The following SPRTN variants were observed in gnomAD, a reference collection of about 807,000 sequenced individuals.
SPRTN encodes SprT-like N-terminal domain.
A neutral mutation model predicts 31.9 loss-of-function variants in SPRTN; 11 were observed. That is an observed-to-expected ratio of 0.34 (90% CI 0.22 to 0.57). SPRTN has a LOEUF of 0.57. SPRTN is among the 20% of genes least tolerant of loss of function. The probability of loss-of-function intolerance (pLI) is 0.86; values close to 1 mark genes in which losing one functional copy is unlikely to be tolerated. For synonymous variants in SPRTN, 185 were observed against 212.1 expected (o/e 0.87, Z 1.11); for missense variants, 482 against 590.1 (o/e 0.82, Z 1.90).
chr1:231,350,543 G>C (rs551659050), intron 3 of SPRTN, among the ~76,000 whole-genome samples: 1 of 152,096 alleles, frequency 6.6e-6, no homozygotes, highest in African/African-American at 2.4e-5. Context: ...TCCTACTTAA[G>C]GCCTGAAAAG....
intron 2 of SPRTN, among the ~76,000 whole-genome samples, chr1:231,342,983 C>T (rs1315530312): frequency 2.0e-5 from 3 of 151,212 alleles, no homozygotes; most frequent in African/African-American, 4.9e-5. Context: ...GTGATCCGCC[C>T]GACTCAGCCT....
intron 1 of SPRTN, 51 bp from the exon 2 acceptor site, chr1:231,339,718 C>A: frequency 6.3e-7 from 1 of 1,583,036 alleles, no homozygotes; most frequent in South Asian, 1.1e-5. Flanking sequence ...TGTGTAAGGA[C>A]TTGGGCATAT....
Position 231,353,109 on chromosome 1 carries a change from T to TA in SPRTN, c.1221dup (p.Arg408ThrfsTer3). ...GTGGGTCTGAAGATACATTCCCAAATAAACGACCTAGGCTAGAAGATAAGA... is the reference window on the plus strand; with the variant it reads ...GTGGGTCTGAAGATACATTCCCAAATAAAACGACCTAGGCTAGAAGATAAGA... On this transcript the variant is annotated frameshift_variant, in exon 5 of 5. Transcript: ENST00000295050. LOFTEE classifies it low-confidence loss of function (END_TRUNC). The TA allele has an allele frequency of 6.2e-7, 1 of 1,613,646 alleles. No individual in the cohort carries two copies. Among genetic ancestry groups the TA allele is most frequent in the Non-Finnish European group, 8.5e-7 (1 of 1,179,848 alleles).
At chr1:231,349,345 A>C (rs1286410267) in intron 3 of SPRTN, among the ~76,000 whole-genome samples, 1 of 152,196 alleles carries the variant, frequency 6.6e-6, no homozygotes, top group African/African-American at 2.4e-5. Context: ...ATTATTAGAC[A>C]CAGTTACTTC....
chr1:231,343,583 A>G (rs1686966770), intron 2 of SPRTN, among the ~76,000 whole-genome samples: 1 of 152,054 alleles, frequency 6.6e-6, no homozygotes, highest in Non-Finnish European at 1.5e-5. Flanking sequence ...GCTGCTCACT[A>G]TTGAGCACCT....
chr1:231,353,774 T>C lies in SPRTN; in HGVS notation c.*413T>C. On this transcript the variant is annotated 3_prime_UTR_variant, in exon 5 of 5. Coordinates refer to ENST00000295050, the MANE Select transcript of SPRTN (RefSeq NM_032018.7). ...AACTCATTCCCTGAACTGATGTAAA[T>C]CTTCATAGTGTCAGACATACTGACC... 1 of 983,730 alleles carries C rather than the reference T, an allele frequency of 1.0e-6. No individual in the cohort carries two copies. Among genetic ancestry groups the C allele is most frequent in the Non-Finnish European group, 1.2e-6 (1 of 827,736 alleles). 60.9% of individuals were successfully genotyped at this position (983,730 alleles called of 1,614,324 possible). A position where few individuals can be genotyped will look rare whatever the true frequency, so the allele number is the denominator to read the frequency against.
At chr1:231,347,080 T>C (rs1243785733) in intron 2 of SPRTN, among the ~76,000 whole-genome samples, 1 of 152,234 alleles carries the variant, frequency 6.6e-6, no homozygotes, top group Non-Finnish European at 1.5e-5. Context: ...TACACAAATT[T>C]GAGTACCCCT....
chr1:231,343,034 G>A (rs1209358039), intron 2 of SPRTN, among the ~76,000 whole-genome samples: 29 of 152,088 alleles, frequency 1.9e-4, no homozygotes. Flanking sequence ...ACCACACCTG[G>A]CCAAGACTAT....
chr1:231,344,796 T>A (rs1346535098), intron 2 of SPRTN: 1 of 264,578 alleles, frequency 3.8e-6, no homozygotes, highest in Non-Finnish European at 8.5e-6. Context: ...CAATCTTAAA[T>A]GCTTTTGTTA....
intron 2 of SPRTN, among the ~76,000 whole-genome samples, chr1:231,346,913 G>T (rs985060133): frequency 1.3e-5 from 2 of 150,994 alleles, no homozygotes; most frequent in African/African-American, 4.9e-5. Context: ...CTGCACTCCA[G>T]CCTGGGCAAC....
Position 231,354,016 on chromosome 1 carries a change from A to G in SPRTN, c.*655A>G. On this transcript the variant is annotated 3_prime_UTR_variant, in exon 5 of 5. Transcript: ENST00000295050. ...AAATTTCTTTTGGAATATTTTTAGTAACAAATAGCCACTATAATTCTGTAG... is the reference window on the plus strand; with the variant it reads ...AAATTTCTTTTGGAATATTTTTAGTGACAAATAGCCACTATAATTCTGTAG... The G allele has an allele frequency of 1.1e-6, 1 of 950,290 alleles. No individual in the cohort carries two copies. 58.9% of individuals were successfully genotyped at this position (950,290 alleles called of 1,614,324 possible).
In SPRTN at chr1:231,354,252, A is replaced by T. The variant is rs903322928; in HGVS notation, c.*891A>T. ...GGAATACCATTTGTGCATTTTAAGTAATCTTTTTTAAAAAAAATATTTTCC... is the reference window on the plus strand; with the variant it reads ...GGAATACCATTTGTGCATTTTAAGTTATCTTTTTTAAAAAAAATATTTTCC... On this transcript the variant is annotated 3_prime_UTR_variant, in exon 5 of 5. Coordinates refer to ENST00000295050, the MANE Select transcript of SPRTN (RefSeq NM_032018.7). The T allele has an allele frequency of 1.3e-5, 13 of 975,860 alleles. No homozygotes were observed. The highest frequency in any genetic ancestry group is 1.3e-5 in the Non-Finnish European group (11 of 821,280). 60.5% of individuals were successfully genotyped at this position (975,860 alleles called of 1,614,324 possible).
Position 231,338,439 on chromosome 1 carries a change from A to C in SPRTN, c.56A>C (p.Glu19Ala), listed in dbSNP as rs768453839. Residue 19 changes from glutamate (E) to alanine (A), a missense_variant, in exon 1 of 5, where the codon GAG (glutamate) becomes GCG (alanine). Transcript: ENST00000295050. Reference protein sequence around the residue: ...LRLQEEWNLQEAERDHAQESL... With the variant: ...LRLQEEWNLQAAERDHAQESL... Reference sequence around the variant, plus strand: ...CTTCAGGAGGAGTGGAACTTGCAGGAGGCGGAGCGCGATCATGCCCAGGAG... The same window carrying C: ...CTTCAGGAGGAGTGGAACTTGCAGGCGGCGGAGCGCGATCATGCCCAGGAG... 2 of 1,614,134 alleles carry C rather than the reference A, an allele frequency of 1.2e-6. No homozygotes were observed. Among genetic ancestry groups the C allele is most frequent in the Admixed American group, 3.3e-5 (2 of 60,016 alleles).
chr1:231,353,707 G>T lies in SPRTN; in HGVS notation c.*346G>T. The T allele has an allele frequency of 1.0e-6, 1 of 992,592 alleles. No homozygotes were observed. The highest frequency in any genetic ancestry group is 1.2e-6 in the Non-Finnish European group (1 of 829,972). 61.5% of individuals were successfully genotyped at this position (992,592 alleles called of 1,614,324 possible). A position where few individuals can be genotyped will look rare whatever the true frequency, so the allele number is the denominator to read the frequency against. Reference sequence around the variant, plus strand: ...TAAAAATATTCATATGGGGAATCCTGTCAGGTGTTTGGTTATATTGACTAT... The same window carrying T: ...TAAAAATATTCATATGGGGAATCCTTTCAGGTGTTTGGTTATATTGACTAT... On this transcript the variant is annotated 3_prime_UTR_variant, in exon 5 of 5. Coordinates refer to ENST00000295050, the MANE Select transcript of SPRTN (RefSeq NM_032018.7).
chr1:231,338,688 A>C, intron 1 of SPRTN, 84 bp downstream of exon 1: 1 of 1,524,902 alleles, frequency 6.6e-7, no homozygotes, highest in Non-Finnish European at 9.0e-7. Flanking sequence ...TCCTTTCTCT[A>C]GTCCGACGGT....
At chr1:231,339,525 C>G in intron 1 of SPRTN, 1 of 709,388 alleles carries the variant, frequency 1.4e-6, no homozygotes, top group Non-Finnish European at 2.5e-6. Context: ...TCCACCTTCT[C>G]AAGCAGGGTG....
intron 1 of SPRTN, among the ~76,000 whole-genome samples, chr1:231,339,002 C>T (rs1365163486): frequency 6.6e-6 from 1 of 152,212 alleles, no homozygotes; most frequent in East Asian, 1.9e-4. Context: ...GATGTGTGTT[C>T]TCCTCCTCTA....
chr1:231,346,941 CA>C (rs3071944), intron 2 of SPRTN, among the ~76,000 whole-genome samples: 1 of 148,826 alleles, frequency 6.7e-6, no homozygotes, highest in Non-Finnish European at 1.5e-5. Context: ...GACCCTGTCT[CA>C]AAAAAAAAAG....
Position 231,353,699 on chromosome 1 carries a change from G to A in SPRTN, c.*338G>A. 1 of 993,534 alleles carries A rather than the reference G, an allele frequency of 1.0e-6. No individual in the cohort carries two copies. Among genetic ancestry groups the A allele is most frequent in the Non-Finnish European group, 1.2e-6 (1 of 830,578 alleles). The allele number at this position is 993,534 out of a possible 1,614,324, so 61.5% of individuals were successfully genotyped here. On this transcript the variant is annotated 3_prime_UTR_variant, in exon 5 of 5. Coordinates refer to ENST00000295050, the MANE Select transcript of SPRTN (RefSeq NM_032018.7). ...TACTTTCCTAAAAATATTCATATGG[G>A]GAATCCTGTCAGGTGTTTGGTTATA...
Sources: gnomAD v4.1 joint callset for allele counts (sites outside exome capture counted in the v4.1 genomes callset) on GRCh38, gnomAD v4.1.1 for gene constraint, MANE v1.5 for transcripts, NCBI Gene and HGNC (gene_info 2026-07-23, HGNC 2026-07-21) for gene names.